Variants in MRTFA observed in about 807,000 individuals in gnomAD.
MRTFA encodes myocardin related transcription factor A, also known as myocardin-related transcription factor A.
MRTFA carries 20 observed loss-of-function variants against 83.5 expected under a neutral mutation model. That is an observed-to-expected ratio of 0.24 (90% confidence interval 0.17 to 0.35). The LOEUF is 0.35. MRTFA is among the 10% of genes least tolerant of loss of function. MRTFA has a pLI of 1.00. For missense variants in MRTFA, 1,200 were observed against 1,224.7 expected, an observed-to-expected ratio of 0.98 and a Z score of 0.30; for synonymous variants, 659 against 541.2, an observed-to-expected ratio of 1.22 and a Z score of -3.02.
chr22:40,563,677 A>G (rs2055662697), intron 2 of MRTFA, among the ~76,000 whole-genome samples: 1 of 152,224 alleles, frequency 6.6e-6, no homozygotes. Context: ...AATCTGGTCA[A>G]CAAATATTGA....
chr22:40,411,944 G>A (rs1181174777), intron 14 of MRTFA, 37 bp from the exon 15 acceptor site: 4 of 1,441,286 alleles, frequency 2.8e-6, no homozygotes, highest in Non-Finnish European at 3.7e-6. Context: ...GATATCAGAA[G>A]CCAAGCCTGT....
chr22:40,535,309 T>C (rs1389915192), intron 3 of MRTFA, among the ~76,000 whole-genome samples: 1 of 151,902 alleles, frequency 6.6e-6, no homozygotes, highest in East Asian at 1.9e-4. Flanking sequence ...TCCTTGGTCC[T>C]TATGTGGGCT....
chr22:40,458,966 C>T (rs1188416756), intron 4 of MRTFA, among the ~76,000 whole-genome samples: 5 of 151,480 alleles, frequency 3.3e-5, no homozygotes, highest in Admixed American at 6.6e-5. Flanking sequence ...CCCAGCTACT[C>T]GGGAAGGCTG....
intron 10 of MRTFA, 128 bp from the exon 11 acceptor site, chr22:40,420,704 T>G (rs1389580095): frequency 7.9e-6 from 12 of 1,527,718 alleles, no homozygotes; most frequent in Non-Finnish European, 1.1e-5. Context: ...AAGGCTAGGG[T>G]GGCCCTGCCT....
intron 3 of MRTFA, among the ~76,000 whole-genome samples, chr22:40,550,812 ACAATTTT>A (rs1322390639): frequency 6.6e-6 from 1 of 151,370 alleles, no homozygotes; most frequent in Non-Finnish European, 1.5e-5. Flanking sequence ...ATTTGAACAC[ACAATTTT>A]CTATATTGTT....
At chr22:40,552,498 C>T (rs756312216) in intron 2 of MRTFA, 131 bp from the exon 3 acceptor site, 14 of 381,460 alleles carry the variant, frequency 3.7e-5, no homozygotes, top group Non-Finnish European at 5.6e-5. Flanking sequence ...GACTTGGTGG[C>T]AGGTAACTGA....
chr22:40,602,608 G>A (rs2056273338), intron 1 of MRTFA, among the ~76,000 whole-genome samples: 1 of 151,794 alleles, frequency 6.6e-6, no homozygotes, highest in South Asian at 2.1e-4. Flanking sequence ...GGAGGCCAAG[G>A]TAGTTGGATC....
chr22:40,583,213 T>C (rs1350632791), intron 2 of MRTFA, among the ~76,000 whole-genome samples: 1 of 152,154 alleles, frequency 6.6e-6, no homozygotes, highest in African/African-American at 2.4e-5. Context: ...GACAGCTCAT[T>C]AGCATTTCAG....
chr22:40,474,052 A>G (rs2053954962), intron 3 of MRTFA, among the ~76,000 whole-genome samples: 1 of 152,216 alleles, frequency 6.6e-6, no homozygotes, highest in Non-Finnish European at 1.5e-5. Flanking sequence ...CCTAACAAGT[A>G]TTTACTAAAC....
intron 7 of MRTFA, among the ~76,000 whole-genome samples, chr22:40,427,464 A>C (rs1436529754): frequency 1.3e-5 from 2 of 152,014 alleles, no homozygotes; most frequent in African/African-American, 4.8e-5. Context: ...CCCAAAACTA[A>C]AACTCATGTT....
chr22:40,517,987 G>C (rs2054789595), intron 3 of MRTFA, among the ~76,000 whole-genome samples: 1 of 152,138 alleles, frequency 6.6e-6, no homozygotes. Flanking sequence ...AGGGTTTGGA[G>C]AGCTTCCAGA....
At chr22:40,448,060 C>A (rs2053414946) in intron 4 of MRTFA, among the ~76,000 whole-genome samples, 1 of 152,172 alleles carries the variant, frequency 6.6e-6, no homozygotes, top group African/African-American at 2.4e-5. Flanking sequence ...GCCTGTAATC[C>A]CAACACTTTG....
chr22:40,424,364 G>C lies in MRTFA; in HGVS notation c.619C>G (p.Pro207Ala). 2 of 1,613,496 alleles carry C rather than the reference G, an allele frequency of 1.2e-6. No homozygotes were observed. The highest frequency in any genetic ancestry group is 1.7e-6 in the Non-Finnish European group (2 of 1,179,714). Residue 207 changes from proline to alanine, a missense_variant, in exon 8 of 15, where the codon CCC becomes GCC. Pro to Ala is a conservative substitution (Grantham distance 27, BLOSUM62 -1). This residue lies in a region of MRTFA where 93 missense variants were observed against 182.9 expected (regional missense o/e 0.51). Transcript: ENST00000355630. ...AAGGAAGAGCTGTCTGCTACTTTGG[G>C]ATAGTTCACCTGGCCCACTGAAACC... is the stretch of plus-strand genomic sequence containing the variant.
intron 1 of MRTFA, among the ~76,000 whole-genome samples, chr22:40,623,633 G>A (rs2056548961): frequency 6.6e-6 from 1 of 152,122 alleles, no homozygotes; most frequent in Non-Finnish European, 1.5e-5. Context: ...ATGCTCCCTG[G>A]CATCACAAAG....
intron 2 of MRTFA, among the ~76,000 whole-genome samples, chr22:40,572,160 T>C (rs984725261): frequency 2.6e-5 from 4 of 152,042 alleles, no homozygotes; most frequent in Non-Finnish European, 1.5e-5. Context: ...GGGACACATA[T>C]AGAGAAATAA....
chr22:40,418,084 C>T (rs1325832191), intron 12 of MRTFA, among the ~76,000 whole-genome samples: 1 of 152,082 alleles, frequency 6.6e-6, no homozygotes, highest in African/African-American at 2.4e-5. Context: ...CTAGGGCAGG[C>T]CCAGCCTGGG....
chr22:40,629,356 G>A (rs976334485), intron 1 of MRTFA, among the ~76,000 whole-genome samples: 2 of 151,948 alleles, frequency 1.3e-5, no homozygotes, highest in African/African-American at 4.8e-5. Flanking sequence ...TGAGGCAGGA[G>A]AATGGCTTGA....
intron 10 of MRTFA, 42 bp from the exon 11 acceptor site, chr22:40,420,618 C>T (rs781180701): frequency 8.8e-6 from 14 of 1,599,914 alleles, no homozygotes; most frequent in African/African-American, 1.3e-5. Context: ...CAGCTTCGCC[C>T]GTGGCCTCTG....
At chr22:40,581,287 A>G (rs1308619901) in intron 2 of MRTFA, among the ~76,000 whole-genome samples, 1 of 152,212 alleles carries the variant, frequency 6.6e-6, no homozygotes, top group African/African-American at 2.4e-5. Context: ...TATAAATGAA[A>G]TTAAAACACG....
Sources: gnomAD v4.1 joint callset for allele counts (sites outside exome capture counted in the v4.1 genomes callset) on GRCh38, gnomAD v4.1.1 for gene constraint, gnomAD v4.1.1 regional missense constraint, MANE v1.5 for transcripts, NCBI Gene and HGNC (gene_info 2026-07-23, HGNC 2026-07-21) for gene names.